The following LHFPL2 variants were observed in gnomAD, a reference collection of about 807,000 sequenced individuals.
The protein encoded by LHFPL2 is LHFPL tetraspan subfamily member 2 protein.
In LHFPL2, 7 loss-of-function variants were observed where a neutral mutation model predicts 17.5. The observed-to-expected ratio is 0.40, with a 90% CI of 0.23 to 0.75. The LOEUF (loss-of-function observed/expected upper bound fraction) is 0.75, where lower values mean the gene tolerates loss of function less well. LHFPL2 is among the 30% of genes least tolerant of loss of function. LHFPL2 has a pLI of 0.37. For synonymous variants in LHFPL2, 134 were observed against 116.2 expected (o/e 1.15, Z -0.99); for missense variants, 241 against 294.8 (o/e 0.82, Z 1.34).
In LHFPL2 at chr5:78,524,742, CAAA is replaced by C. The variant is rs34179854; in HGVS notation, c.-185-14347_-185-14345del. The stretch of plus-strand genomic sequence containing the variant: ...GGGGGACAGAATGTGACCCTGTTCT[CAAA>C]AAAAAAAAAAAAAAAAAATTGTTAG... On this transcript the variant is annotated intron_variant, in intron 3 of 4. Transcript: ENST00000380345. Among the ~76,000 whole-genome samples the C allele has an allele frequency of 1.7e-3, 196 of 117,772 alleles. 1 individual carries two copies. The highest frequency in any genetic ancestry group is 5.7e-3 in the African/African-American group (175 of 30,640). 77.3% of individuals were successfully genotyped at this position (117,772 alleles called of 152,430 possible).
chr5:78,587,347 C>A (rs1267343134), intron 2 of LHFPL2, among the ~76,000 whole-genome samples: 1 of 152,136 alleles, frequency 6.6e-6, no homozygotes, highest in Non-Finnish European at 1.5e-5. Context: ...GCAAGCTAAC[C>A]ATTATGGAAG....
At chr5:78,553,139 G>T (rs574222746) in intron 3 of LHFPL2, among the ~76,000 whole-genome samples, 17 of 152,278 alleles carry the variant, frequency 1.1e-4, no homozygotes, top group African/African-American at 4.1e-4. Flanking sequence ...GACCTCTCCT[G>T]CCTACCTTCA....
chr5:78,509,731 C>T, intron 4 of LHFPL2, 53 bp downstream of exon 4: 2 of 1,551,328 alleles, frequency 1.3e-6, no homozygotes, highest in South Asian at 2.4e-5. Flanking sequence ...GTGCGCTGCA[C>T]CGGCAGCTCT....
chr5:78,627,242 A>G (rs558470943), intron 2 of LHFPL2, among the ~76,000 whole-genome samples: 1 of 152,322 alleles, frequency 6.6e-6, no homozygotes, highest in African/African-American at 2.4e-5. Context: ...CTGACGAGGC[A>G]GTGGATGCCT....
In LHFPL2 at chr5:78,627,132, G is replaced by A. The variant is rs183767322; in HGVS notation, c.-245+5132C>T. Reference sequence around the variant, plus strand: ...AATATAGTAAGCAGAAATGTATGCAGTAGAGAGGGAGAAGCTGAGGACAAG... The same window carrying A: ...AATATAGTAAGCAGAAATGTATGCAATAGAGAGGGAGAAGCTGAGGACAAG... On this transcript the variant is annotated intron_variant, in intron 2 of 4. Coordinates refer to ENST00000380345, the MANE Select transcript of LHFPL2 (RefSeq NM_005779.3). Among the ~76,000 whole-genome samples, 8 of 152,270 alleles carry A rather than the reference G, an allele frequency of 5.3e-5. No individual in the cohort carries two copies. In the East Asian group the frequency reaches 1.4e-3, roughly 26 times the overall value.
chr5:78,587,550 T>A (rs1209554529), intron 2 of LHFPL2, among the ~76,000 whole-genome samples: 46 of 152,372 alleles, frequency 3.0e-4, no homozygotes, highest in South Asian at 4.1e-4. Flanking sequence ...TAACTGTGCT[T>A]GAAACTTAAT....
intron 1 of LHFPL2, among the ~76,000 whole-genome samples, chr5:78,645,097 C>T (rs1366071556): frequency 1.3e-5 from 2 of 152,176 alleles, no homozygotes; most frequent in African/African-American, 4.8e-5. Context: ...ACCCTGCTAC[C>T]ACCCCCAGCC....
intron 3 of LHFPL2, among the ~76,000 whole-genome samples, chr5:78,540,188 C>T (rs1040227544): frequency 2.6e-5 from 4 of 152,208 alleles, no homozygotes; most frequent in Non-Finnish European, 4.4e-5. Context: ...ACTGCCTGTA[C>T]GCTAAGAGAC....
chr5:78,495,239 A>T (rs2112294631), intron 4 of LHFPL2, among the ~76,000 whole-genome samples: 1 of 152,278 alleles, frequency 6.6e-6, no homozygotes, highest in African/African-American at 2.4e-5. Context: ...GTTTGTGAAG[A>T]AGTGGGATAA....
At chr5:78,490,887 T>C (rs1395236470) in intron 4 of LHFPL2, among the ~76,000 whole-genome samples, 1 of 152,190 alleles carries the variant, frequency 6.6e-6, no homozygotes, top group Non-Finnish European at 1.5e-5. Context: ...GAATATCAAT[T>C]CTATCCTGGT....
intron 4 of LHFPL2, among the ~76,000 whole-genome samples, chr5:78,509,507 T>C (rs1755035428): frequency 6.6e-6 from 1 of 152,042 alleles, no homozygotes; most frequent in Admixed American, 6.5e-5. Context: ...TTACTCAAAC[T>C]AAAACCAACA....
intron 2 of LHFPL2, among the ~76,000 whole-genome samples, chr5:78,606,869 G>T (rs1484618927): frequency 1.3e-5 from 2 of 151,960 alleles, no homozygotes; most frequent in African/African-American, 4.8e-5. Context: ...TAGAGACGGG[G>T]TTTCACCATG....
chr5:78,503,110 G>A (rs1020705012), intron 4 of LHFPL2, among the ~76,000 whole-genome samples: 9 of 152,172 alleles, frequency 5.9e-5, no homozygotes, highest in African/African-American at 2.2e-4. Flanking sequence ...CATAGAAGAT[G>A]CAGATTATTT....
intron 2 of LHFPL2, among the ~76,000 whole-genome samples, chr5:78,593,117 A>G (rs770464137): frequency 2.6e-5 from 4 of 152,096 alleles, no homozygotes; most frequent in Non-Finnish European, 5.9e-5. Flanking sequence ...GTCACTACAC[A>G]GCAGTTCCAG....
chr5:78,496,215 T>G (rs1017871408), intron 4 of LHFPL2, among the ~76,000 whole-genome samples: 1 of 152,210 alleles, frequency 6.6e-6, no homozygotes, highest in Non-Finnish European at 1.5e-5. Context: ...AGAAAAGCTT[T>G]GGTATCTCCC....
chr5:78,594,944 G>T (rs185454153), intron 2 of LHFPL2, among the ~76,000 whole-genome samples: 1 of 152,340 alleles, frequency 6.6e-6, no homozygotes, highest in Admixed American at 6.5e-5. Context: ...CTGAGTGGGT[G>T]CTAGCACTGT....
intron 2 of LHFPL2, among the ~76,000 whole-genome samples, chr5:78,595,154 A>G (rs775019504): frequency 1.1e-4 from 17 of 152,242 alleles, no homozygotes; most frequent in Admixed American, 4.6e-4. Flanking sequence ...AAGGTAAAAT[A>G]ACAAGTTAGA....
At chr5:78,584,309 T>C (rs1743279861) in intron 2 of LHFPL2, among the ~76,000 whole-genome samples, 2 of 151,580 alleles carry the variant, frequency 1.3e-5, no homozygotes, top group Admixed American at 6.6e-5. Context: ...CATCCAGCTT[T>C]GTTCCGTTGC....
At chr5:78,492,702 A>G (rs1454721832) in intron 4 of LHFPL2, among the ~76,000 whole-genome samples, 1 of 152,202 alleles carries the variant, frequency 6.6e-6, no homozygotes, top group Admixed American at 6.5e-5. Flanking sequence ...TAAGTCACAT[A>G]AGAGTGCCAT....
Sources: allele counts gnomAD v4.1 joint callset (sites outside exome capture counted in the v4.1 genomes callset), GRCh38; gene constraint gnomAD v4.1.1; transcripts MANE v1.5; gene names NCBI Gene and HGNC (gene_info 2026-07-23, HGNC 2026-07-21).